The following AGO3 variants were observed in gnomAD, a reference collection of about 807,000 sequenced individuals.
The protein encoded by AGO3 is argonaute RISC catalytic component 3, also known as protein argonaute-3.
In AGO3, 16 loss-of-function variants were observed where a neutral mutation model predicts 105.5. That is an observed-to-expected ratio of 0.15 (90% CI 0.10 to 0.23). The LOEUF is 0.23. AGO3 is among the 10% of genes least tolerant of loss of function. The pLI is 1.00. For missense variants in AGO3, 534 were observed against 1,088.0 expected (o/e 0.49, Z 7.16); for synonymous variants, 340 against 367.3 (o/e 0.93, Z 0.85).
chr1:35,934,382 A>G (rs1646110999), intron 1 of AGO3, among the ~76,000 whole-genome samples: 1 of 152,240 alleles, frequency 6.6e-6, no homozygotes. Context: ...GCAAAAGTGA[A>G]TAGACTGTTT....
At chr1:35,955,116 G>T (rs1488730444) in intron 2 of AGO3, among the ~76,000 whole-genome samples, 1 of 152,208 alleles carries the variant, frequency 6.6e-6, no homozygotes, top group Non-Finnish European at 1.5e-5. Context: ...TGAAATCCGT[G>T]CTAAGGCTTG....
chr1:36,022,062 CTT>C (rs34538981), intron 11 of AGO3, among the ~76,000 whole-genome samples: 31 of 110,276 alleles, frequency 2.8e-4, no homozygotes, highest in East Asian at 1.4e-3. Flanking sequence ...AGTTGGGGGC[CTT>C]TTTTTTTTTT....
intron 8 of AGO3, 195 bp from the exon 9 acceptor site, chr1:36,009,280 A>G (rs376189375): frequency 1.2e-6 from 1 of 804,858 alleles, no homozygotes; most frequent in African/African-American, 1.8e-5. Context: ...TTCAGTCTTC[A>G]TCTGGTGTAC....
At chr1:35,932,410 C>T (rs575692731) in intron 1 of AGO3, among the ~76,000 whole-genome samples, 3 of 152,152 alleles carry the variant, frequency 2.0e-5, no homozygotes, top group Non-Finnish European at 4.4e-5. Context: ...TTCCATATCT[C>T]TTTTTGCCAA....
intron 17 of AGO3, among the ~76,000 whole-genome samples, chr1:36,045,750 C>T (rs1642442695): frequency 6.6e-6 from 1 of 152,070 alleles, no homozygotes; most frequent in Non-Finnish European, 1.5e-5. Context: ...ACCATGTTGG[C>T]CAGGATGGTC....
At chr1:36,018,584 C>T (rs1276814716) in intron 11 of AGO3, among the ~76,000 whole-genome samples, 1 of 151,998 alleles carries the variant, frequency 6.6e-6, no homozygotes, top group Non-Finnish European at 1.5e-5. Context: ...AGGCATGTGC[C>T]ACCATGCCTG....
chr1:36,023,892 C>G (rs1319049371), intron 11 of AGO3, among the ~76,000 whole-genome samples: 1 of 152,164 alleles, frequency 6.6e-6, no homozygotes, highest in Non-Finnish European at 1.5e-5. Context: ...CACTTTTTCT[C>G]TCTTCTTCAG....
Position 36,057,342 on chromosome 1 carries a change from A to G in AGO3, c.*1597A>G, listed in dbSNP as rs1181442207. 2 of 151,784 alleles carry G rather than the reference A, an allele frequency of 1.3e-5. No homozygotes were observed. The highest frequency in any genetic ancestry group is 2.9e-5 in the Non-Finnish European group (2 of 67,970). The allele number at this position is 151,784 out of a possible 1,614,324, so 9.4% of individuals were successfully genotyped here. On this transcript the variant is annotated 3_prime_UTR_variant, in exon 19 of 19. Coordinates refer to ENST00000373191, the MANE Select transcript of AGO3 (RefSeq NM_024852.4). ...AATGTGATTTTCATATATTTTTTAT[A>G]TATATATATGTATGTGTGTGTATAT...
At position 36,008,854 on chromosome 1, in the gene AGO3, C is replaced by G. The variant is rs759510686; in HGVS notation, c.882-43C>G. 1.7e-4 allele frequency: 277 copies of G among 1,613,892 alleles called. No individual in the cohort carries two copies. The highest frequency in any genetic ancestry group is 2.2e-4 in the Non-Finnish European group (257 of 1,180,032). On this transcript the variant is annotated intron_variant, in intron 7 of 18. Coordinates refer to ENST00000373191, the MANE Select transcript of AGO3 (RefSeq NM_024852.4). This position sits in a 1 kb window ranked among gnomAD's most constrained non-coding sequence, Gnocchi z 5.1. ...AGTGGGGTTGGGAGTTTTTCTGGCT[C>G]ATAATGGGCAAGAATTGTTCATGTG...
chr1:35,968,603 C>A (rs989705429), intron 3 of AGO3, among the ~76,000 whole-genome samples: 2 of 152,176 alleles, frequency 1.3e-5, no homozygotes, highest in African/African-American at 4.8e-5. Context: ...CTTTTCAAGG[C>A]TGAATAATAT....
chr1:36,050,621 G>A (rs913409818), intron 17 of AGO3, among the ~76,000 whole-genome samples: 10 of 150,280 alleles, frequency 6.7e-5, no homozygotes, highest in East Asian at 2.0e-4. Context: ...GCAAAACCCC[G>A]TCTCTACTAA....
rs1030024165 is a variant in AGO3, at chr1:36,067,718, C to A, written c.*11973C>A. 1.7e-4 allele frequency: 26 copies of A among 151,878 alleles called. No homozygotes were observed. Among genetic ancestry groups the A allele is most frequent in the African/African-American group, 6.3e-4 (26 of 41,330 alleles). 9.4% of individuals were successfully genotyped at this position (151,878 alleles called of 1,614,324 possible). On this transcript the variant is annotated 3_prime_UTR_variant, in exon 19 of 19. Coordinates refer to ENST00000373191, the MANE Select transcript of AGO3 (RefSeq NM_024852.4). ...TCCCCTTTAAATAGAAAACACCAAG[C>A]AGGGCCTTTCCAGACAAGGTAGTCT... is the stretch of plus-strand genomic sequence containing the variant.
intron 2 of AGO3, among the ~76,000 whole-genome samples, chr1:35,951,271 C>T (rs1646465940): frequency 6.6e-6 from 1 of 152,166 alleles, no homozygotes; most frequent in South Asian, 2.1e-4. Context: ...TTTTTTGGCT[C>T]AGTTTTCTTT....
In AGO3 at chr1:36,029,838, G is replaced by A. The variant is rs185503824; in HGVS notation, c.1591+2540G>A. Among the ~76,000 whole-genome samples, 919 of 151,612 alleles carry A rather than the reference G, an allele frequency of 6.1e-3. 7 individuals are homozygous for A. Among genetic ancestry groups the A allele is most frequent in the Non-Finnish European group, 8.1e-3 (549 of 67,914 alleles). ...CTCCCTAGTAGCTGGGTCTATAGGCGCGTGCCACCATGCCTGGCTAATTTT... is the reference window on the plus strand; with the variant it reads ...CTCCCTAGTAGCTGGGTCTATAGGCACGTGCCACCATGCCTGGCTAATTTT... On this transcript the variant is annotated intron_variant, in intron 12 of 18. Coordinates refer to ENST00000373191, the MANE Select transcript of AGO3 (RefSeq NM_024852.4).
At chr1:35,984,784 A>T (rs2148787419) in intron 5 of AGO3, among the ~76,000 whole-genome samples, 1 of 152,312 alleles carries the variant, frequency 6.6e-6, no homozygotes, top group Non-Finnish European at 1.5e-5. Context: ...CATCCAAATG[A>T]GCCTGAAAAA....
Position 36,055,842 on chromosome 1 carries a change from C to A in AGO3, c.*97C>A. 1.6e-6 allele frequency: 2 copies of A among 1,217,376 alleles called. No homozygotes were observed. Among genetic ancestry groups the A allele is most frequent in the Non-Finnish European group, 2.3e-6 (2 of 851,190 alleles). The allele number at this position is 1,217,376 out of a possible 1,614,324, so 75.4% of individuals were successfully genotyped here. On this transcript the variant is annotated 3_prime_UTR_variant, in exon 19 of 19. Coordinates refer to ENST00000373191, the MANE Select transcript of AGO3 (RefSeq NM_024852.4). The surrounding 1 kb of genome is among the most constrained non-coding windows in gnomAD (Gnocchi z 4.4). ...GTCAATTGAGTAAGGACACCTCCAGCCATACAGAAACCAACACTGTGTGGG... is the reference window on the plus strand; with the variant it reads ...GTCAATTGAGTAAGGACACCTCCAGACATACAGAAACCAACACTGTGTGGG...
intron 2 of AGO3, among the ~76,000 whole-genome samples, chr1:35,953,930 A>C (rs999138259): frequency 6.6e-6 from 1 of 152,202 alleles, no homozygotes; most frequent in African/African-American, 2.4e-5. Context: ...CTGTTTATAC[A>C]TGTTGCATCT....
chr1:36,044,395 T>TTG (rs1557709746), intron 17 of AGO3, among the ~76,000 whole-genome samples: 8 of 152,002 alleles, frequency 5.3e-5, no homozygotes, highest in African/African-American at 1.7e-4. Flanking sequence ...TTAGTTTTTT[T>TTG]TTGTTGTTGT....
At chr1:36,042,913 A>G (rs1642310601) in intron 16 of AGO3, among the ~76,000 whole-genome samples, 1 of 152,140 alleles carries the variant, frequency 6.6e-6, no homozygotes, top group Non-Finnish European at 1.5e-5. Context: ...CTGAGCCTTT[A>G]TTTCCCTAAA....
Sources: gnomAD v4.1 joint callset for allele counts (sites outside exome capture counted in the v4.1 genomes callset) on GRCh38, gnomAD v4.1.1 for gene constraint, Gnocchi (gnomAD v3.1) non-coding constraint, MANE v1.5 for transcripts, NCBI Gene and HGNC (gene_info 2026-07-23, HGNC 2026-07-21) for gene names.